Variants in SLC24A3 observed in about 807,000 individuals in gnomAD.
SLC24A3 encodes the protein sodium/potassium/calcium exchanger 3.
In SLC24A3, 28 loss-of-function variants were observed where a neutral mutation model predicts 75.8. That is an observed-to-expected ratio of 0.37 (90% confidence interval 0.27 to 0.51). SLC24A3 has a LOEUF of 0.51. SLC24A3 is among the 20% of genes least tolerant of loss of function. SLC24A3 has a pLI of 0.94. For missense variants in SLC24A3, 663 were observed against 847.8 expected (o/e 0.78, Z 2.71); for synonymous variants, 372 against 334.1 (o/e 1.11, Z -1.24).
intron 6 of SLC24A3, among the ~76,000 whole-genome samples, chr20:19,622,253 T>C (rs1489656893): frequency 6.6e-6 from 1 of 152,162 alleles, no homozygotes; most frequent in African/African-American, 2.4e-5. Flanking sequence ...GGAAGCAATG[T>C]GGAGACCAGA....
At chr20:19,256,768 CAAAA>C (rs11475395) in intron 1 of SLC24A3, among the ~76,000 whole-genome samples, 2 of 80,296 alleles carry the variant, frequency 2.5e-5, no homozygotes, top group East Asian at 2.9e-4. Flanking sequence ...GACGTTGTCT[CAAAA>C]AAAAAAAAAA....
intron 1 of SLC24A3, among the ~76,000 whole-genome samples, chr20:19,230,570 T>C (rs1981991087): frequency 1.3e-5 from 2 of 149,952 alleles, no homozygotes; most frequent in South Asian, 2.1e-4. Context: ...CCTAGTTGAG[T>C]TGCATTTCCG....
chr20:19,227,971 T>C (rs972005270), intron 1 of SLC24A3, among the ~76,000 whole-genome samples: 3 of 152,218 alleles, frequency 2.0e-5, no homozygotes, highest in African/African-American at 7.2e-5. Flanking sequence ...GTTCATAGTG[T>C]GTTTCTTCAT....
chr20:19,300,982 C>A (rs1432001247), intron 2 of SLC24A3, among the ~76,000 whole-genome samples: 3 of 152,128 alleles, frequency 2.0e-5, no homozygotes, highest in Non-Finnish European at 4.4e-5. Flanking sequence ...GTGCCTCTGG[C>A]CAACATAGCA....
At chr20:19,563,839 G>C (rs766713136) in intron 3 of SLC24A3, among the ~76,000 whole-genome samples, 9 of 152,214 alleles carry the variant, frequency 5.9e-5, no homozygotes, top group Non-Finnish European at 1.0e-4. Context: ...AATAAACATT[G>C]CTGTAACTGG....
chr20:19,260,989 C>G (rs949992494), intron 1 of SLC24A3, among the ~76,000 whole-genome samples: 2 of 152,198 alleles, frequency 1.3e-5, no homozygotes, highest in Non-Finnish European at 2.9e-5. Context: ...GCCTTGGAAG[C>G]AGGACATGGC....
chr20:19,594,614 A>G (rs1481450117), intron 6 of SLC24A3, among the ~76,000 whole-genome samples: 1 of 152,234 alleles, frequency 6.6e-6, no homozygotes, highest in African/African-American at 2.4e-5. Context: ...CTAGAGAAAA[A>G]ATTACATTCT....
At chr20:19,562,979 A>G (rs1200980911) in intron 3 of SLC24A3, among the ~76,000 whole-genome samples, 2 of 152,184 alleles carry the variant, frequency 1.3e-5, no homozygotes, top group Non-Finnish European at 2.9e-5. Flanking sequence ...GCACAAAGCT[A>G]GATTGTAGGG....
chr20:19,569,926 T>C (rs1237874399), intron 3 of SLC24A3, among the ~76,000 whole-genome samples: 2 of 152,204 alleles, frequency 1.3e-5, no homozygotes, highest in African/African-American at 4.8e-5. Context: ...AGAAAAGAGT[T>C]CTCTTTGGTC....
chr20:19,653,909 A>G lies in SLC24A3; in HGVS notation c.613-153A>G, dbSNP rs903924759. Among the ~76,000 whole-genome samples, 4 of 152,236 alleles carry G rather than the reference A, an allele frequency of 2.6e-5. No homozygotes were observed. The East Asian group carries it at 7.7e-4, about 29-fold the overall frequency. The stretch of plus-strand genomic sequence containing the variant: ...GTCTGCCTCTCAGAAGATCCAGACT[A>G]ATATGCCTAAATACTTGAATAAATT... On this transcript the variant is annotated intron_variant, in intron 6 of 16. Transcript: ENST00000328041.
chr20:19,526,832 T>C (rs1366169384), intron 3 of SLC24A3, among the ~76,000 whole-genome samples: 1 of 152,236 alleles, frequency 6.6e-6, no homozygotes, highest in Non-Finnish European at 1.5e-5. Flanking sequence ...TAGTATCTAC[T>C]TCATAGGGCT....
At position 19,370,353 on chromosome 20, in the gene SLC24A3, A is replaced by G. The variant is rs1028219807; in HGVS notation, c.271+89266A>G. Reference sequence around the variant, plus strand: ...TGTCATTGACTGTATAATACATTTCATCTTATTTGAGACCTGACAGACTGG... The same window carrying G: ...TGTCATTGACTGTATAATACATTTCGTCTTATTTGAGACCTGACAGACTGG... On this transcript the variant is annotated intron_variant, in intron 2 of 16. Coordinates refer to ENST00000328041, the MANE Select transcript of SLC24A3 (RefSeq NM_020689.4). Among the ~76,000 whole-genome samples the G allele has an allele frequency of 5.9e-5, 9 of 152,214 alleles. No individual in the cohort carries two copies. In the South Asian group the frequency reaches 6.2e-4, roughly 11 times the overall value.
chr20:19,678,454 C>T (rs867093800), intron 9 of SLC24A3, among the ~76,000 whole-genome samples: 1,425 of 127,000 alleles, frequency 0.011, 81 homozygotes, highest in African/African-American at 0.045. Context: ...GGCGGCTGGC[C>T]GGGCGGGGGG....
intron 7 of SLC24A3, among the ~76,000 whole-genome samples, chr20:19,656,750 C>G (rs1187363569): frequency 6.6e-6 from 1 of 152,172 alleles, no homozygotes; most frequent in Admixed American, 6.5e-5. Context: ...AGATTTGGAT[C>G]TCCTGGGAGC....
chr20:19,332,764 C>T (rs900745339), intron 2 of SLC24A3, among the ~76,000 whole-genome samples: 2 of 152,178 alleles, frequency 1.3e-5, no homozygotes, highest in Non-Finnish European at 2.9e-5. Flanking sequence ...GTCCCATGAA[C>T]ACTCCAGCAC....
intron 2 of SLC24A3, among the ~76,000 whole-genome samples, chr20:19,326,758 T>A (rs1984873464): frequency 6.6e-6 from 1 of 152,074 alleles, no homozygotes; most frequent in South Asian, 2.1e-4. Flanking sequence ...TGTACTTTTA[T>A]TTTTTGTAGC....
At chr20:19,508,109 G>A (rs754516456) in intron 2 of SLC24A3, among the ~76,000 whole-genome samples, 1 of 152,186 alleles carries the variant, frequency 6.6e-6, no homozygotes, top group Non-Finnish European at 1.5e-5. Context: ...GGCTTTGTGA[G>A]AAGCGGAGGA....
chr20:19,360,865 C>T (rs975782537), intron 2 of SLC24A3, among the ~76,000 whole-genome samples: 36 of 151,202 alleles, frequency 2.4e-4, no homozygotes, highest in African/African-American at 8.0e-4. Context: ...CTCGCTCTGT[C>T]GGCCAGGCTG....
chr20:19,530,340 CT>C (rs1187125645), intron 3 of SLC24A3, among the ~76,000 whole-genome samples: 8 of 152,354 alleles, frequency 5.3e-5, no homozygotes, highest in African/African-American at 1.7e-4. Flanking sequence ...TTGAAATCAA[CT>C]GAGTGCCGAG....
Sources: allele counts gnomAD v4.1 joint callset (sites outside exome capture counted in the v4.1 genomes callset), GRCh38; gene constraint gnomAD v4.1.1; transcripts MANE v1.5; gene names NCBI Gene and HGNC (gene_info 2026-07-23, HGNC 2026-07-21).